Variants in RABL3 observed in about 807,000 individuals in gnomAD.
RABL3 encodes RAB, member of RAS oncogene family like 3, also known as rab-like protein 3.
A neutral mutation model predicts 31.8 loss-of-function variants in RABL3; 31 were observed. The observed-to-expected ratio is 0.97, with a 90% CI of 0.73 to 1.31. The LOEUF (loss-of-function observed/expected upper bound fraction) is 1.31, where lower values mean the gene tolerates loss of function less well. Ranked by LOEUF, RABL3 falls within the 40% of genes most tolerant of loss-of-function variation. The pLI is 0.00. For synonymous variants in RABL3, 97 were observed against 99.9 expected (o/e 0.97, Z 0.18); for missense variants, 263 against 279.6 (o/e 0.94, Z 0.42).
chr3:120,737,882 C>T (rs969471255), intron 1 of RABL3, among the ~76,000 whole-genome samples: 3 of 152,246 alleles, frequency 2.0e-5, no homozygotes, highest in Admixed American at 6.5e-5. Flanking sequence ...ATTCATTCCT[C>T]TGGAAGCTTT....
intron 1 of RABL3, among the ~76,000 whole-genome samples, chr3:120,737,090 A>G (rs947423215): frequency 3.9e-5 from 6 of 152,082 alleles, no homozygotes; most frequent in African/African-American, 1.4e-4. Flanking sequence ...ACGTTGGGGA[A>G]CTTCTCCTGG....
chr3:120,703,564 G>C (rs1292931757), intron 4 of RABL3, among the ~76,000 whole-genome samples: 1 of 151,624 alleles, frequency 6.6e-6, no homozygotes, highest in Non-Finnish European at 1.5e-5. Flanking sequence ...AAAGAAATAA[G>C]AGTAGAAATC....
chr3:120,720,987 T>C (rs1708733164), intron 2 of RABL3, among the ~76,000 whole-genome samples: 1 of 152,366 alleles, frequency 6.6e-6, no homozygotes, highest in African/African-American at 2.4e-5. Flanking sequence ...AGCTGATCTC[T>C]TGGCAGAAAC....
rs202018618 is a variant in RABL3 at position 120,742,441 on chromosome 3, G to T, written c.46+21C>A. The T allele has an allele frequency of 1.3e-4, 213 of 1,613,360 alleles. 2 individuals carry two copies. The African/African-American group carries it at 2.5e-3, about 19-fold the overall frequency. ...TAACTCAAAAGTGTCTGGAGCCCCAGAGGTAGGGTAAGCCGCTCACCTGAG... is the reference window on the plus strand; with the variant it reads ...TAACTCAAAAGTGTCTGGAGCCCCATAGGTAGGGTAAGCCGCTCACCTGAG... On this transcript the variant is annotated intron_variant, in intron 1 of 7. Coordinates refer to ENST00000273375, the MANE Select transcript of RABL3 (RefSeq NM_173825.5).
At chr3:120,733,746 AG>A (rs1708917883) in intron 1 of RABL3, among the ~76,000 whole-genome samples, 1 of 152,148 alleles carries the variant, frequency 6.6e-6, no homozygotes, top group Non-Finnish European at 1.5e-5. Context: ...GGTGTAAGGA[AG>A]GGATCCAGTT....
At chr3:120,707,150 G>A (rs928166234) in intron 3 of RABL3, among the ~76,000 whole-genome samples, 2 of 152,062 alleles carry the variant, frequency 1.3e-5, no homozygotes, top group African/African-American at 4.8e-5. Context: ...AGCAGAAGAG[G>A]TAGAATTAGC....
chr3:120,742,095 G>A (rs1267448801), intron 1 of RABL3, among the ~76,000 whole-genome samples: 1 of 151,634 alleles, frequency 6.6e-6, no homozygotes, highest in East Asian at 1.9e-4. Flanking sequence ...TCTCTTGAAG[G>A]CACGGTCCTA....
chr3:120,694,344 C>A, intron 5 of RABL3, 120 bp from the exon 6 acceptor site: 4 of 586,308 alleles, frequency 6.8e-6, no homozygotes, highest in Admixed American at 2.6e-5. Flanking sequence ...AATACTCTCA[C>A]AAAATATTCA....
At chr3:120,718,113 T>C (rs1025735656) in intron 2 of RABL3, among the ~76,000 whole-genome samples, 2 of 152,152 alleles carry the variant, frequency 1.3e-5, no homozygotes, top group Non-Finnish European at 2.9e-5. Flanking sequence ...CTCCAAATAT[T>C]TCCACTTTTC....
At chr3:120,726,669 G>A (rs867845348) in intron 2 of RABL3, among the ~76,000 whole-genome samples, 2 of 151,990 alleles carry the variant, frequency 1.3e-5, no homozygotes, top group African/African-American at 2.4e-5. Context: ...GCTTGAACCC[G>A]GGAGGCAGAG....
chr3:120,705,821 T>C lies in RABL3; in HGVS notation c.383+179A>G, dbSNP rs529514367. ...CACAATCCATAGAAGAAAAGAAGAGTAATCAGACTTCATCAAAATGAAAAC... is the reference window on the plus strand; with the variant it reads ...CACAATCCATAGAAGAAAAGAAGAGCAATCAGACTTCATCAAAATGAAAAC... On this transcript the variant is annotated intron_variant, in intron 4 of 7. Coordinates refer to ENST00000273375, the MANE Select transcript of RABL3 (RefSeq NM_173825.5). 4.6e-5 allele frequency among the ~76,000 whole-genome samples: 7 copies of C among 152,146 alleles called. No individual in the cohort carries two copies. The East Asian group carries it at 1.4e-3, about 29-fold the overall frequency.
chr3:120,691,380 T>C (rs555959672), intron 6 of RABL3, among the ~76,000 whole-genome samples: 206 of 152,322 alleles, frequency 1.4e-3, no homozygotes, highest in South Asian at 5.4e-3. Context: ...TATGGTGGTG[T>C]GAAAGCAACA....
intron 3 of RABL3, among the ~76,000 whole-genome samples, chr3:120,707,097 C>A (rs1163738850): frequency 1.3e-5 from 2 of 152,134 alleles, no homozygotes; most frequent in Non-Finnish European, 2.9e-5. Context: ...ACCAATGATT[C>A]CTCCATCTTC....
intron 1 of RABL3, among the ~76,000 whole-genome samples, chr3:120,736,816 T>C (rs1708972871): frequency 6.6e-6 from 1 of 152,234 alleles, no homozygotes; most frequent in Admixed American, 6.5e-5. Context: ...GGATATGAAA[T>C]TCTGGGTTGA....
intron 5 of RABL3, among the ~76,000 whole-genome samples, chr3:120,694,885 C>T (rs928875460): frequency 2.7e-5 from 4 of 150,770 alleles, no homozygotes; most frequent in African/African-American, 9.7e-5. Flanking sequence ...AGGGACAAAA[C>T]GATCTGGAAC....
chr3:120,727,031 C>T (rs945035194), intron 2 of RABL3, among the ~76,000 whole-genome samples: 4 of 151,878 alleles, frequency 2.6e-5, no homozygotes, highest in Non-Finnish European at 5.9e-5. Context: ...GCAGTTAACG[C>T]TGTGCTTAGA....
At chr3:120,693,368 A>G (rs900754582) in intron 6 of RABL3, among the ~76,000 whole-genome samples, 5 of 152,248 alleles carry the variant, frequency 3.3e-5, no homozygotes, top group African/African-American at 1.2e-4. Context: ...GTTAAAAGAA[A>G]AAAATGATTG....
At chr3:120,740,314 T>G (rs1389126315) in intron 1 of RABL3, among the ~76,000 whole-genome samples, 1 of 152,110 alleles carries the variant, frequency 6.6e-6, no homozygotes, top group Non-Finnish European at 1.5e-5. Flanking sequence ...CAGGCTAGAG[T>G]GCAGTGGCAC....
chr3:120,729,785 T>C (rs938037945), intron 2 of RABL3, among the ~76,000 whole-genome samples: 11 of 151,898 alleles, frequency 7.2e-5, no homozygotes, highest in Non-Finnish European at 1.5e-4. Context: ...TTAACAGTTA[T>C]GAAGAACAAA....
Sources: allele counts gnomAD v4.1 joint callset (sites outside exome capture counted in the v4.1 genomes callset), GRCh38; gene constraint gnomAD v4.1.1; transcripts MANE v1.5; gene names NCBI Gene and HGNC (gene_info 2026-07-23, HGNC 2026-07-21).